DMD: variants seen among roughly 807,000 people sequenced by gnomAD.
DMD encodes mutant dystrophin.
Under a neutral mutation model 330.1 loss-of-function variants are expected in DMD, and 63 were observed. That is an observed-to-expected ratio of 0.19 (90% CI 0.16 to 0.24). The LOEUF is 0.24. Ranked by LOEUF, DMD falls within the 10% of genes least tolerant of loss-of-function variation. The probability of loss-of-function intolerance (pLI) is 1.00; values close to 1 mark genes in which losing one functional copy is unlikely to be tolerated. For synonymous variants in DMD, 1,223 were observed against 959.8 expected (o/e 1.27, Z -5.07); for missense variants, 3,344 against 2,684.1 (o/e 1.25, Z -5.43).
chrX:31,832,630 T>C (rs1198292920), intron 49 of DMD, among the ~76,000 whole-genome samples: 1 of 112,580 alleles, frequency 8.9e-6, no homozygotes, highest in Non-Finnish European at 1.9e-5. Context: ...CACACCTTTT[T>C]CTGTTACATT....
intron 12 of DMD, among the ~76,000 whole-genome samples, chrX:32,600,592 G>A (rs1364882209): frequency 1.6e-4 from 10 of 63,214 alleles, no homozygotes; most frequent in Non-Finnish European, 2.0e-4. Context: ...ACACAAACAC[G>A]CACACGCACA....
chrX:31,415,658 G>A (rs1048354796), intron 60 of DMD, among the ~76,000 whole-genome samples: 1 of 112,088 alleles, frequency 8.9e-6, no homozygotes, highest in Non-Finnish European at 1.9e-5. Flanking sequence ...TTCATGAAAA[G>A]TCAATTATGG....
intron 7 of DMD, among the ~76,000 whole-genome samples, chrX:32,768,360 A>C (rs2073235245): frequency 1.8e-5 from 2 of 111,778 alleles, no homozygotes; most frequent in Admixed American, 1.9e-4. Context: ...AAATTGCTTT[A>C]TACCGTTAGA....
intron 2 of DMD, among the ~76,000 whole-genome samples, chrX:32,966,520 G>T (rs922650028): frequency 5.4e-5 from 6 of 111,743 alleles, no homozygotes; most frequent in African/African-American, 2.0e-4. Context: ...TTGGGGTCCA[G>T]CAACTCTACT....
intron 48 of DMD, among the ~76,000 whole-genome samples, chrX:31,843,690 G>C (rs2093358191): frequency 9.0e-6 from 1 of 111,276 alleles, no homozygotes; most frequent in African/African-American, 3.3e-5. Flanking sequence ...AGTTTCTTTT[G>C]CTGTGTAGAA....
At chrX:31,213,450 C>A (rs1269904782) in intron 64 of DMD, among the ~76,000 whole-genome samples, 1 of 98,317 alleles carries the variant, frequency 1.0e-5, no homozygotes, top group Non-Finnish European at 2.2e-5. Flanking sequence ...ATATAAGAAA[C>A]CCTGGCTGAA....
intron 1 of DMD, among the ~76,000 whole-genome samples, chrX:33,286,375 T>TC (rs1175272483): frequency 8.9e-6 from 1 of 111,751 alleles, no homozygotes; most frequent in African/African-American, 3.2e-5. Context: ...ATTAGAGAAG[T>TC]CCAGAGACTT....
intron 7 of DMD, among the ~76,000 whole-genome samples, chrX:32,775,464 A>G (rs1003642213): frequency 5.3e-5 from 6 of 113,021 alleles, no homozygotes. Context: ...TACATCCTCT[A>G]GACATCTAGG....
intron 43 of DMD, among the ~76,000 whole-genome samples, 179 bp from the exon 44 acceptor site, chrX:32,217,242 CACA>C (rs1277321293): frequency 9.0e-6 from 1 of 111,106 alleles, no homozygotes; most frequent in Non-Finnish European, 1.9e-5. Flanking sequence ...AGCATGTACA[CACA>C]ACATTTTAAA....
intron 74 of DMD, among the ~76,000 whole-genome samples, chrX:31,156,775 A>T (rs1428218469): frequency 1.8e-5 from 2 of 112,186 alleles, no homozygotes; most frequent in African/African-American, 6.5e-5. Flanking sequence ...TTCCTATAAA[A>T]AGAAAGCACT....
intron 2 of DMD, among the ~76,000 whole-genome samples, chrX:32,964,017 G>A (rs761447094): frequency 1.9e-4 from 21 of 110,015 alleles, no homozygotes; most frequent in Non-Finnish European, 3.6e-4. Context: ...CACTTTGGGA[G>A]GCTGAGGTGG....
At position 32,491,362 on chromosome X, in the gene DMD, G is replaced by C. The variant is rs780438339; in HGVS notation, c.2537C>G (p.Thr846Arg). The change falls in exon 20 of 79, where the codon ACA (threonine) becomes AGA (arginine). Residue 846 changes from threonine to arginine, a missense_variant. Coordinates refer to ENST00000357033, the MANE Select transcript of DMD (RefSeq NM_004006.3). ...YNQLQQLEQM[T>R]TTAENWLKIQ... ...TTTCAACCAGTTTTCAGCAGTAGTTGTCATCTGCTCCAATTGTTGTAGCTG... is the reference window on the plus strand; with the variant it reads ...TTTCAACCAGTTTTCAGCAGTAGTTCTCATCTGCTCCAATTGTTGTAGCTG... 1.1e-5 allele frequency: 13 copies of C among 1,210,643 alleles called. No homozygotes were observed. Among genetic ancestry groups the C allele is most frequent in the Non-Finnish European group, 1.5e-5 (13 of 894,683 alleles).
At chrX:31,628,459 G>C (rs1465487665) in intron 54 of DMD, among the ~76,000 whole-genome samples, 1 of 111,430 alleles carries the variant, frequency 9.0e-6, no homozygotes, top group Non-Finnish European at 1.9e-5. Flanking sequence ...AACAAGTAAA[G>C]AAATAACATT....
At chrX:32,009,292 C>A (rs2095687384) in intron 44 of DMD, among the ~76,000 whole-genome samples, 1 of 111,409 alleles carries the variant, frequency 9.0e-6, no homozygotes, top group Admixed American at 9.6e-5. Flanking sequence ...AAGTTGCTTT[C>A]CAAGTTCATG....
chrX:32,883,502 C>A (rs2084164325), intron 2 of DMD, among the ~76,000 whole-genome samples: 1 of 110,975 alleles, frequency 9.0e-6, no homozygotes, highest in Non-Finnish European at 1.9e-5. Context: ...ATGCTACCAG[C>A]TTTTCACAAA....
intron 16 of DMD, among the ~76,000 whole-genome samples, chrX:32,553,824 G>A (rs1166457395): frequency 2.7e-5 from 3 of 111,758 alleles, no homozygotes; most frequent in Non-Finnish European, 5.6e-5. Flanking sequence ...CTGAATCATG[G>A]GTGTGGACCT....
At chrX:32,748,854 T>C (rs1361036940) in intron 7 of DMD, among the ~76,000 whole-genome samples, 1 of 112,395 alleles carries the variant, frequency 8.9e-6, no homozygotes, top group Non-Finnish European at 1.9e-5. Context: ...AGTCACTTCC[T>C]TACAATTGTT....
chrX:31,806,110 T>C (rs1042129195), intron 50 of DMD, among the ~76,000 whole-genome samples: 1 of 112,174 alleles, frequency 8.9e-6, no homozygotes, highest in African/African-American at 3.2e-5. Flanking sequence ...ACAGAAAAAA[T>C]TGGCAAAACT....
At chrX:32,034,920 G>A (rs1210596936) in intron 44 of DMD, among the ~76,000 whole-genome samples, 4 of 111,671 alleles carry the variant, frequency 3.6e-5, no homozygotes, top group Non-Finnish European at 7.6e-5. Context: ...AAGGAACTGT[G>A]ACAAAAAGAA....
Sources: allele counts gnomAD v4.1 joint callset (sites outside exome capture counted in the v4.1 genomes callset), GRCh38; gene constraint gnomAD v4.1.1; transcripts MANE v1.5; gene names NCBI Gene and HGNC (gene_info 2026-07-23, HGNC 2026-07-21).